Variants in PCDH9 observed in about 807,000 individuals in gnomAD.
PCDH9 encodes the protein protocadherin 9, also known as protocadherin-9.
Under a neutral mutation model 70.6 loss-of-function variants are expected in PCDH9, and 24 were observed. The ratio of observed to expected loss-of-function variants is 0.34; its 90% CI spans 0.25 to 0.48. The LOEUF is 0.48. Ranked by LOEUF, PCDH9 falls within the 20% of genes least tolerant of loss-of-function variation. The probability of loss-of-function intolerance (pLI) is 0.99; values close to 1 mark genes in which losing one functional copy is unlikely to be tolerated. For missense variants in PCDH9, 1,281 were observed against 1,503.6 expected, an observed-to-expected ratio of 0.85 and a Z score of 2.45; for synonymous variants, 562 against 558.5, an observed-to-expected ratio of 1.01 and a Z score of -0.09.
chr13:66,560,001 TA>T (rs1164801183), intron 4 of PCDH9, among the ~76,000 whole-genome samples: 1 of 151,580 alleles, frequency 6.6e-6, no homozygotes, highest in Non-Finnish European at 1.5e-5. Context: ...TAACAGAAAT[TA>T]AAAGTTGAAC....
chr13:67,010,159 C>A (rs558789965), intron 2 of PCDH9, among the ~76,000 whole-genome samples: 1 of 152,106 alleles, frequency 6.6e-6, no homozygotes, highest in East Asian at 1.9e-4. Flanking sequence ...GATCTAACCT[C>A]AATTTTTCCC....
chr13:66,524,233 G>C (rs1457020636), intron 4 of PCDH9, among the ~76,000 whole-genome samples: 2 of 151,984 alleles, frequency 1.3e-5, no homozygotes, highest in Non-Finnish European at 2.9e-5. Flanking sequence ...GAAAACTGTA[G>C]CTTAATAATT....
chr13:66,559,833 T>TATATAC (rs777316241), intron 4 of PCDH9, among the ~76,000 whole-genome samples: 5,362 of 86,994 alleles, frequency 0.062, 252 homozygotes, highest in African/African-American at 0.11. Context: ...TATATATATA[T>TATATAC]ACACACACAC....
At chr13:66,527,564 T>C (rs1223190575) in intron 4 of PCDH9, among the ~76,000 whole-genome samples, 2 of 152,168 alleles carry the variant, frequency 1.3e-5, no homozygotes, top group Non-Finnish European at 2.9e-5. Flanking sequence ...TTTTTTGGAC[T>C]GCCTAATATA....
At chr13:66,555,941 T>TCA (rs1961720897) in intron 4 of PCDH9, among the ~76,000 whole-genome samples, 1 of 148,148 alleles carries the variant, frequency 6.8e-6, no homozygotes, top group African/African-American at 2.4e-5. Context: ...TATATACATA[T>TCA]TATATATATA....
At chr13:66,816,961 C>T (rs1353612280) in intron 3 of PCDH9, among the ~76,000 whole-genome samples, 1 of 149,294 alleles carries the variant, frequency 6.7e-6, no homozygotes, top group African/African-American at 2.5e-5. Flanking sequence ...GGTTCTGCAT[C>T]CTTGAATTCA....
intron 4 of PCDH9, among the ~76,000 whole-genome samples, chr13:66,529,687 A>G (rs1960364134): frequency 1.3e-5 from 2 of 151,990 alleles, no homozygotes. Context: ...TTAATAGTTC[A>G]CACTGATTTG....
chr13:66,536,930 T>A (rs1326493362), intron 4 of PCDH9, among the ~76,000 whole-genome samples: 1 of 152,118 alleles, frequency 6.6e-6, no homozygotes, highest in African/African-American at 2.4e-5. Flanking sequence ...TATGACTCAG[T>A]CAACGAATTT....
chr13:67,192,612 A>T (rs1395649873), intron 2 of PCDH9, among the ~76,000 whole-genome samples: 1 of 152,182 alleles, frequency 6.6e-6, no homozygotes, highest in Non-Finnish European at 1.5e-5. Context: ...TTAGAAATGT[A>T]TTAGAAAGGA....
intron 3 of PCDH9, among the ~76,000 whole-genome samples, chr13:66,713,831 T>C (rs1327573309): frequency 3.3e-5 from 5 of 151,872 alleles, no homozygotes; most frequent in Admixed American, 6.6e-5. Context: ...TTTAAGTCTA[T>C]TAAATCTACA....
chr13:66,389,567 T>C (rs1363371685), intron 4 of PCDH9, among the ~76,000 whole-genome samples: 1 of 152,198 alleles, frequency 6.6e-6, no homozygotes, highest in Non-Finnish European at 1.5e-5. Context: ...GGTATATAAA[T>C]TCATTTCAAT....
Position 67,078,108 on chromosome 13 carries a change from T to G in PCDH9, c.3036+147297A>C, listed in dbSNP as rs118142384. Reference sequence around the variant, plus strand: ...TGAGGTGTCCATGGATATCCGCCACTCAAATTTCCTTCAAACCTGTTGCAG... The same window carrying G: ...TGAGGTGTCCATGGATATCCGCCACGCAAATTTCCTTCAAACCTGTTGCAG... On this transcript the variant is annotated intron_variant, in intron 2 of 4. Transcript: ENST00000377865. Among the ~76,000 whole-genome samples, 983 of 152,188 alleles carry G rather than the reference T, an allele frequency of 6.5e-3. 33 individuals carry two copies. In the South Asian group the frequency reaches 0.069, roughly 11 times the overall value.
chr13:66,930,311 A>T (rs560017406), intron 2 of PCDH9, among the ~76,000 whole-genome samples: 25 of 152,324 alleles, frequency 1.6e-4, no homozygotes, highest in African/African-American at 6.0e-4. Context: ...GTTATAAAAT[A>T]TAATCTAAAA....
intron 2 of PCDH9, among the ~76,000 whole-genome samples, chr13:67,080,265 A>G (rs1049971151): frequency 6.6e-6 from 1 of 152,224 alleles, no homozygotes; most frequent in Non-Finnish European, 1.5e-5. Flanking sequence ...AATAACATTT[A>G]TGGTAATTTA....
intron 3 of PCDH9, among the ~76,000 whole-genome samples, chr13:66,757,882 A>C (rs772011439): frequency 1.3e-5 from 2 of 152,138 alleles, no homozygotes; most frequent in Non-Finnish European, 2.9e-5. Context: ...TTTATGATTG[A>C]ATAACTGAAA....
chr13:66,534,377 T>A (rs1446692358), intron 4 of PCDH9, among the ~76,000 whole-genome samples: 2 of 152,120 alleles, frequency 1.3e-5, no homozygotes, highest in African/African-American at 4.8e-5. Context: ...AAGTCTGAGA[T>A]CAAGGTGACA....
chr13:66,368,184 G>A (rs950125369), intron 4 of PCDH9, among the ~76,000 whole-genome samples: 12 of 152,136 alleles, frequency 7.9e-5, no homozygotes, highest in African/African-American at 2.4e-4. Flanking sequence ...TTCTAGAACA[G>A]AGAGTGAACA....
chr13:66,931,973 T>C (rs778259564), intron 2 of PCDH9, among the ~76,000 whole-genome samples: 1 of 152,096 alleles, frequency 6.6e-6, no homozygotes, highest in Non-Finnish European at 1.5e-5. Flanking sequence ...GGTGTATGTG[T>C]TTGCTTCCTT....
At chr13:66,386,412 A>ACTTTTTT (rs1450165197) in intron 4 of PCDH9, among the ~76,000 whole-genome samples, 1 of 152,172 alleles carries the variant, frequency 6.6e-6, no homozygotes, top group Non-Finnish European at 1.5e-5. Context: ...AATGAACATG[A>ACTTTTTT]CTTTTTTGGA....
Sources: gnomAD v4.1 joint callset for allele counts (sites outside exome capture counted in the v4.1 genomes callset) on GRCh38, gnomAD v4.1.1 for gene constraint, MANE v1.5 for transcripts, NCBI Gene and HGNC (gene_info 2026-07-23, HGNC 2026-07-21) for gene names.